ZCCHC17: variants seen among roughly 807,000 people sequenced by gnomAD.
ZCCHC17 encodes zinc finger CCHC-type containing 17.
In ZCCHC17, 18 loss-of-function variants were observed where a neutral mutation model predicts 30.6. The ratio of observed to expected loss-of-function variants is 0.59; its 90% CI spans 0.41 to 0.87. The LOEUF (loss-of-function observed/expected upper bound fraction) is 0.87. Ranked by LOEUF, ZCCHC17 falls within the 40% of genes least tolerant of loss-of-function variation. The pLI, the probability that ZCCHC17 is intolerant of heterozygous loss-of-function variation, is 0.00. For missense variants in ZCCHC17, 263 were observed against 284.2 expected (o/e 0.93, Z 0.54); for synonymous variants, 88 against 92.4 (o/e 0.95, Z 0.27).
intron 2 of ZCCHC17, among the ~76,000 whole-genome samples, chr1:31,311,769 G>T (rs1191746492): frequency 6.6e-6 from 1 of 152,224 alleles, no homozygotes; most frequent in African/African-American, 2.4e-5. Flanking sequence ...TGGGGATTAG[G>T]CTTCAAAGTG....
At chr1:31,340,011 C>T (rs1638980550) in intron 5 of ZCCHC17, among the ~76,000 whole-genome samples, 1 of 120,296 alleles carries the variant, frequency 8.3e-6, no homozygotes, top group Non-Finnish European at 1.6e-5. Context: ...GGTTGGAGTG[C>T]AGTGCCATAA....
intron 7 of ZCCHC17, among the ~76,000 whole-genome samples, chr1:31,363,537 ATCACAGCACTTCGGGAGGCCAAG>A (rs1242191432): frequency 2.6e-5 from 4 of 152,212 alleles, no homozygotes; most frequent in African/African-American, 9.6e-5. Flanking sequence ...CACACCTGTA[ATCACAGCACTTCGGGAGGCCAAG>A]GTGGGCAGAT....
chr1:31,329,910 T>A (rs983829193), intron 3 of ZCCHC17, among the ~76,000 whole-genome samples: 8 of 152,228 alleles, frequency 5.3e-5, no homozygotes, highest in Non-Finnish European at 1.2e-4. Context: ...CTTGGATATA[T>A]TTTTGCCTAT....
At chr1:31,300,459 C>G (rs1646283492) in intron 1 of ZCCHC17, among the ~76,000 whole-genome samples, 2 of 152,184 alleles carry the variant, frequency 1.3e-5, no homozygotes, top group Non-Finnish European at 2.9e-5. Context: ...TCTGTTATTG[C>G]AATACATCCC....
chr1:31,342,241 C>T (rs1166771217), intron 5 of ZCCHC17, among the ~76,000 whole-genome samples: 1 of 152,100 alleles, frequency 6.6e-6, no homozygotes, highest in Non-Finnish European at 1.5e-5. Flanking sequence ...GACGGGGTTT[C>T]ACCATGTTGA....
chr1:31,326,370 A>G (rs550221456), intron 3 of ZCCHC17, among the ~76,000 whole-genome samples: 1 of 152,308 alleles, frequency 6.6e-6, no homozygotes, highest in East Asian at 1.9e-4. Flanking sequence ...TGCAAATTGC[A>G]TCTTTGCTTA....
chr1:31,318,322 G>A, intron 2 of ZCCHC17: 3 of 1,159,088 alleles, frequency 2.6e-6, no homozygotes, highest in Non-Finnish European at 3.7e-6. Flanking sequence ...TCGATCCACA[G>A]GTTGGGGGAT....
chr1:31,364,001 A>C (rs564975181), intron 7 of ZCCHC17, 31 bp from the exon 8 acceptor site: 6 of 1,607,370 alleles, frequency 3.7e-6, no homozygotes, highest in Non-Finnish European at 5.1e-6. Context: ...ATATACACAT[A>C]CAGTGTTGAT....
chr1:31,337,282 T>C lies in ZCCHC17; in HGVS notation c.225+7T>C, dbSNP rs1363818005. 1.2e-6 allele frequency: 2 copies of C among 1,612,214 alleles called. No homozygotes were observed. Among genetic ancestry groups the C allele is most frequent in the African/African-American group, 2.7e-5 (2 of 74,904 alleles). ...GAAGCTTATTGGCCGAGAGGTAAAG[T>C]TCTGTGCGGCTCCCTTGTGGTTAGA... On this transcript the variant is annotated splice_region_variant and intron_variant, in intron 4 of 7. Coordinates refer to ENST00000344147, the MANE Select transcript of ZCCHC17 (RefSeq NM_016505.4).
chr1:31,324,474 G>A (rs1638258802), intron 3 of ZCCHC17, among the ~76,000 whole-genome samples: 1 of 152,220 alleles, frequency 6.6e-6, no homozygotes, highest in Admixed American at 6.5e-5. Flanking sequence ...CCCAGCCCTG[G>A]CTGCAGACCC....
chr1:31,302,743 A>G (rs1308315549), intron 1 of ZCCHC17, among the ~76,000 whole-genome samples: 1 of 152,150 alleles, frequency 6.6e-6, no homozygotes, highest in African/African-American at 2.4e-5. Context: ...GGCACGTCTT[A>G]AGTGGTGTCA....
chr1:31,312,745 C>A (rs576567265), intron 2 of ZCCHC17, among the ~76,000 whole-genome samples: 40 of 152,164 alleles, frequency 2.6e-4, no homozygotes, highest in Non-Finnish European at 5.4e-4. Context: ...CAGTGTCTTA[C>A]AAGAGCATGT....
At chr1:31,340,383 T>C (rs1004665434) in intron 5 of ZCCHC17, among the ~76,000 whole-genome samples, 2 of 134,894 alleles carry the variant, frequency 1.5e-5, no homozygotes, top group Non-Finnish European at 3.1e-5. Flanking sequence ...AATGGCACAA[T>C]CTCGGCTCAC....
chr1:31,350,092 T>C (rs1407262221), intron 7 of ZCCHC17, among the ~76,000 whole-genome samples: 1 of 152,206 alleles, frequency 6.6e-6, no homozygotes, highest in African/African-American at 2.4e-5. Flanking sequence ...ATTATTGTGG[T>C]CCAGAAAGAA....
At chr1:31,304,007 TCTC>T (rs1557687752) in intron 1 of ZCCHC17, among the ~76,000 whole-genome samples, 1 of 152,188 alleles carries the variant, frequency 6.6e-6, no homozygotes, top group Non-Finnish European at 1.5e-5. Flanking sequence ...CACCATTTCT[TCTC>T]CTGTATCCTT....
At chr1:31,340,186 C>T (rs1362844397) in intron 5 of ZCCHC17, among the ~76,000 whole-genome samples, 4 of 151,578 alleles carry the variant, frequency 2.6e-5, no homozygotes, top group Non-Finnish European at 4.4e-5. Flanking sequence ...TAGGCTCAAG[C>T]GATCCTCCCA....
At chr1:31,352,722 C>T (rs1639511824) in intron 7 of ZCCHC17, among the ~76,000 whole-genome samples, 1 of 152,184 alleles carries the variant, frequency 6.6e-6, no homozygotes, top group South Asian at 2.1e-4. Flanking sequence ...GCTGGGATTA[C>T]AGGCATGAGC....
intron 2 of ZCCHC17, among the ~76,000 whole-genome samples, chr1:31,314,528 ACT>A (rs1422755215): frequency 6.6e-6 from 1 of 152,220 alleles, no homozygotes; most frequent in Admixed American, 6.5e-5. Flanking sequence ...GAAATTGTTA[ACT>A]CTATTTGATA....
Position 31,339,006 on chromosome 1 carries a change from A to G in ZCCHC17, c.275A>G (p.Gln92Arg), listed in dbSNP as rs765590818. 1 of 1,613,002 alleles carries G rather than the reference A, an allele frequency of 6.2e-7. No individual in the cohort carries two copies. Among genetic ancestry groups the G allele is most frequent in the Non-Finnish European group, 8.5e-7 (1 of 1,179,726 alleles). Reference sequence around the variant, plus strand: ...TCCCTCTCCATGAAGGTTGTCAATCAAGGGACTGGGAAAGACCTTGATCCC... The same window carrying G: ...TCCCTCTCCATGAAGGTTGTCAATCGAGGGACTGGGAAAGACCTTGATCCC... ...KVSLSMKVVN[Q>R]GTGKDLDPNN... The change falls in exon 5 of 8, where the codon CAA becomes CGA. Residue 92 changes from glutamine (Q) to arginine (R), a missense_variant. Transcript: ENST00000344147.
Sources: allele counts gnomAD v4.1 joint callset (sites outside exome capture counted in the v4.1 genomes callset), GRCh38; gene constraint gnomAD v4.1.1; transcripts MANE v1.5; gene names NCBI Gene and HGNC (gene_info 2026-07-23, HGNC 2026-07-21).